Variants in PARD3 observed in about 807,000 individuals in gnomAD.
PARD3 encodes the protein par-3 family cell polarity regulator, also known as partitioning defective 3 homolog.
A neutral mutation model predicts 155.4 loss-of-function variants in PARD3; 75 were observed. That is an observed-to-expected ratio of 0.48 (90% CI 0.40 to 0.58). The LOEUF (loss-of-function observed/expected upper bound fraction) is 0.58, where lower values mean the gene tolerates loss of function less well. Ranked by LOEUF, PARD3 falls within the 20% of genes least tolerant of loss-of-function variation. The probability of loss-of-function intolerance (pLI) is 0.00; values close to 1 mark genes in which losing one functional copy is unlikely to be tolerated. For synonymous variants in PARD3, 576 were observed against 610.5 expected (o/e 0.94, Z 0.83); for missense variants, 1,642 against 1,721.7 (o/e 0.95, Z 0.82).
intron 22 of PARD3, among the ~76,000 whole-genome samples, chr10:34,266,630 G>A (rs966731005): frequency 6.6e-6 from 1 of 152,066 alleles, no homozygotes; most frequent in South Asian, 2.1e-4. Context: ...AGGATGAGAG[G>A]GGCTTTTGAA....
At chr10:34,519,279 T>C (rs2081979714) in intron 2 of PARD3, among the ~76,000 whole-genome samples, 1 of 152,124 alleles carries the variant, frequency 6.6e-6, no homozygotes, top group African/African-American at 2.4e-5. Context: ...ACTGACTCAG[T>C]GTGAGTTTCT....
intron 2 of PARD3, among the ~76,000 whole-genome samples, chr10:34,597,540 C>G (rs770457107): frequency 3.3e-5 from 5 of 152,084 alleles, no homozygotes; most frequent in African/African-American, 4.8e-5. Flanking sequence ...GTGATCCTCC[C>G]ATCTCAGCCT....
intron 20 of PARD3, among the ~76,000 whole-genome samples, chr10:34,292,367 A>C (rs970335252): frequency 6.6e-6 from 1 of 152,228 alleles, no homozygotes; most frequent in Non-Finnish European, 1.5e-5. Context: ...CTACCATGAA[A>C]GAGTACTGAT....
At chr10:34,745,819 G>A (rs375119942) in intron 1 of PARD3, among the ~76,000 whole-genome samples, 23 of 151,998 alleles carry the variant, frequency 1.5e-4, no homozygotes, top group African/African-American at 5.1e-4. Flanking sequence ...ATTAAGAAAC[G>A]GCCAGGCGCG....
chr10:34,686,454 G>A lies in PARD3; in HGVS notation c.222+9864C>T, dbSNP rs555477160. Among the ~76,000 whole-genome samples the A allele has an allele frequency of 6.6e-5, 10 of 151,786 alleles. No homozygotes were observed. The South Asian group carries it at 2.1e-3, about 32-fold the overall frequency. The stretch of plus-strand genomic sequence containing the variant: ...ACTCCCTTAAAAAAAAAAAAAATAG[G>A]GCCAGGCGCAGTAGCTCACGCCTAT... On this transcript the variant is annotated intron_variant, in intron 2 of 24. Coordinates refer to ENST00000374788, the MANE Select transcript of PARD3 (RefSeq NM_001184785.2).
chr10:34,578,949 T>C (rs2087137158), intron 2 of PARD3, among the ~76,000 whole-genome samples: 1 of 152,204 alleles, frequency 6.6e-6, no homozygotes, highest in African/African-American at 2.4e-5. Context: ...CCTAAGCATA[T>C]ACCTTTTCAA....
chr10:34,802,749 T>C (rs1032328500), intron 1 of PARD3, among the ~76,000 whole-genome samples: 1 of 152,060 alleles, frequency 6.6e-6, no homozygotes, highest in Non-Finnish European at 1.5e-5. Flanking sequence ...GAAGTTCTAA[T>C]GAGGATGAGA....
At chr10:34,383,025 G>C (rs1164305491) in intron 8 of PARD3, 103 bp from the exon 9 acceptor site, 2 of 1,318,572 alleles carry the variant, frequency 1.5e-6, no homozygotes. Flanking sequence ...GAACTGACAG[G>C]CTGTTGAAAT....
intron 22 of PARD3, among the ~76,000 whole-genome samples, chr10:34,260,779 T>C (rs1954914991): frequency 6.6e-6 from 1 of 152,166 alleles, no homozygotes; most frequent in Admixed American, 6.5e-5. Context: ...TAAAGTGGTA[T>C]TTGACTTTTT....
intron 3 of PARD3, among the ~76,000 whole-genome samples, chr10:34,492,845 G>A (rs966603213): frequency 6.6e-6 from 1 of 152,184 alleles, no homozygotes; most frequent in African/African-American, 2.4e-5. Context: ...AGGTCGAATC[G>A]ATTAAGTAAT....
intron 5 of PARD3, among the ~76,000 whole-genome samples, chr10:34,439,188 C>T (rs924051266): frequency 3.3e-5 from 5 of 151,922 alleles, no homozygotes; most frequent in African/African-American, 1.2e-4. Context: ...AAGGGCAGGG[C>T]TGTAAAAATG....
intron 1 of PARD3, among the ~76,000 whole-genome samples, chr10:34,769,239 G>A (rs569955425): frequency 2.0e-5 from 3 of 152,162 alleles, no homozygotes; most frequent in South Asian, 2.1e-4. Flanking sequence ...GAGCACCACC[G>A]GTACGGCGAC....
chr10:34,692,539 G>A (rs1457190048), intron 2 of PARD3, among the ~76,000 whole-genome samples: 1 of 152,110 alleles, frequency 6.6e-6, no homozygotes, highest in Non-Finnish European at 1.5e-5. Context: ...CATCTATAAA[G>A]AACTTAAGCA....
intron 24 of PARD3, among the ~76,000 whole-genome samples, chr10:34,113,299 C>A (rs926868467): frequency 6.6e-6 from 1 of 152,126 alleles, no homozygotes; most frequent in Admixed American, 6.5e-5. Flanking sequence ...TCTGCATCAT[C>A]CCCGGAAGAC....
chr10:34,374,857 A>G lies in PARD3; in HGVS notation c.1668+17T>C, dbSNP rs1841056932. The G allele has an allele frequency of 6.2e-7, 1 of 1,611,972 alleles. No homozygotes were observed. The highest frequency in any genetic ancestry group is 8.5e-7 in the Non-Finnish European group (1 of 1,179,202). ...GCTGCATATCAGAAATCTTTCATCT[A>G]CTCTAAATTTACACACCAGTTCCCT... On this transcript the variant is annotated intron_variant, in intron 11 of 24. Coordinates refer to ENST00000374788, the MANE Select transcript of PARD3 (RefSeq NM_001184785.2).
intron 3 of PARD3, among the ~76,000 whole-genome samples, chr10:34,473,313 C>T (rs2078482682): frequency 6.6e-6 from 1 of 152,184 alleles, no homozygotes; most frequent in African/African-American, 2.4e-5. Context: ...GCCACGTTTA[C>T]ATTTATGTCC....
chr10:34,485,917 G>C (rs1234762586), intron 3 of PARD3, among the ~76,000 whole-genome samples: 1 of 134,322 alleles, frequency 7.4e-6, no homozygotes, highest in Admixed American at 7.2e-5. Flanking sequence ...AAACGTTTTG[G>C]GTTTTTTTTT....
chr10:34,326,125 TAAAA>T (rs979390862), intron 19 of PARD3, among the ~76,000 whole-genome samples: 1 of 108,884 alleles, frequency 9.2e-6, no homozygotes, highest in Admixed American at 9.7e-5. Flanking sequence ...ACACTCTTTC[TAAAA>T]AAAAAAAAAA....
intron 5 of PARD3, among the ~76,000 whole-genome samples, chr10:34,444,760 C>G (rs78349657): frequency 1.1e-3 from 162 of 152,292 alleles, no homozygotes; most frequent in African/African-American, 3.5e-3. Flanking sequence ...TAAGTAGGAC[C>G]AATACCACCC....
Sources: gnomAD v4.1 joint callset for allele counts (sites outside exome capture counted in the v4.1 genomes callset) on GRCh38, gnomAD v4.1.1 for gene constraint, MANE v1.5 for transcripts, NCBI Gene and HGNC (gene_info 2026-07-23, HGNC 2026-07-21) for gene names.